The following IPO11 variants were observed in gnomAD, a reference collection of about 807,000 sequenced individuals.
IPO11 encodes the protein importin 11, also known as importin-11.
IPO11 carries 66 observed loss-of-function variants against 143.2 expected under a neutral mutation model. The observed-to-expected ratio is 0.46, with a 90% CI of 0.38 to 0.57. IPO11 has a LOEUF of 0.57. Among genes scored for constraint, IPO11 ranks in the 20% least tolerant of loss-of-function variants. The pLI is 0.00. For missense variants in IPO11, 1,026 were observed against 1,141.0 expected, an observed-to-expected ratio of 0.90 and a Z score of 1.45; for synonymous variants, 385 against 377.8, an observed-to-expected ratio of 1.02 and a Z score of -0.22.
chr5:62,442,444 G>T (rs1216135317), intron 2 of IPO11, among the ~76,000 whole-genome samples: 1 of 152,132 alleles, frequency 6.6e-6, no homozygotes, highest in Non-Finnish European at 1.5e-5. Flanking sequence ...GTGTTACTCA[G>T]CTTTGAACAG....
chr5:62,473,498 T>C (rs1018853575), intron 7 of IPO11, among the ~76,000 whole-genome samples: 1 of 152,180 alleles, frequency 6.6e-6, no homozygotes, highest in Non-Finnish European at 1.5e-5. Context: ...ACACTAAGTC[T>C]TCAGATAATG....
At position 62,606,068 on chromosome 5, in the gene IPO11, G is replaced by A. The variant is rs977765784; in HGVS notation, c.2763+4220G>A. Among the ~76,000 whole-genome samples the A allele has an allele frequency of 2.6e-5, 4 of 151,950 alleles. No individual in the cohort carries two copies. In the East Asian group the frequency reaches 7.7e-4, roughly 29 times the overall value. On this transcript the variant is annotated intron_variant, in intron 29 of 29. Coordinates refer to ENST00000325324, the MANE Select transcript of IPO11 (RefSeq NM_016338.5). ...TTATTACTTGGTTTTTTTTAAATGG[G>A]CAAATGAAAACTGTATGTATCTGTG... is the stretch of plus-strand genomic sequence containing the variant.
chr5:62,580,777 A>G (rs1347084749), intron 27 of IPO11: 1 of 1,551,452 alleles, frequency 6.4e-7, no homozygotes, highest in Non-Finnish European at 8.7e-7. Flanking sequence ...TCTGGAAAAT[A>G]CTGAGACTGA....
At chr5:62,603,637 G>T (rs753823480) in intron 29 of IPO11, among the ~76,000 whole-genome samples, 6 of 152,280 alleles carry the variant, frequency 3.9e-5, no homozygotes, top group African/African-American at 1.2e-4. Context: ...ATTTAAACAC[G>T]CCAGTTCACC....
rs377662122 is a variant in IPO11, at chr5:62,433,333, AG to A, written c.-6-3939del. On this transcript the variant is annotated intron_variant, in intron 1 of 29. Transcript: ENST00000325324. ...CAGGTCTGATAAATCTGTTAGTAGC[AG>A]GTAAAGATGCTGAGTTTTCTTTTGT... 4.3e-3 allele frequency among the ~76,000 whole-genome samples: 654 copies of A among 152,276 alleles called. 1 individual carries two copies. The highest frequency in any genetic ancestry group is 7.8e-3 in the Non-Finnish European group (531 of 68,020).
At chr5:62,607,030 G>GTAC (rs1164637686) in intron 29 of IPO11, among the ~76,000 whole-genome samples, 3 of 152,152 alleles carry the variant, frequency 2.0e-5, no homozygotes, top group Non-Finnish European at 4.4e-5. Context: ...GCCAAATACT[G>GTAC]TACTGGCTCA....
chr5:62,536,552 T>C, intron 22 of IPO11, 150 bp from the exon 23 acceptor site: 1 of 845,136 alleles, frequency 1.2e-6, no homozygotes, highest in Non-Finnish European at 1.7e-6. Context: ...AGTTTTTAGA[T>C]ATCTGTAGAT....
intron 27 of IPO11, among the ~76,000 whole-genome samples, chr5:62,573,466 A>G (rs1399888914): frequency 6.6e-6 from 1 of 152,172 alleles, no homozygotes; most frequent in Non-Finnish European, 1.5e-5. Flanking sequence ...TAGATTTTAT[A>G]TAGGGAATTT....
chr5:62,598,565 T>TCTGAG (rs770605911), intron 28 of IPO11, among the ~76,000 whole-genome samples: 1 of 40,950 alleles, frequency 2.4e-5, no homozygotes, highest in Non-Finnish European at 4.4e-5. Context: ...TTTTTTTTTT[T>TCTGAG]ATGGAGTCTT....
intron 26 of IPO11, among the ~76,000 whole-genome samples, chr5:62,555,448 G>A (rs1274262260): frequency 6.6e-6 from 1 of 151,562 alleles, no homozygotes; most frequent in Non-Finnish European, 1.5e-5. Flanking sequence ...AAGTAGCTGT[G>A]ACTACAGATG....
At chr5:62,471,404 TATACATCATCATAATGTGA>T (rs1561324415) in intron 7 of IPO11, among the ~76,000 whole-genome samples, 1 of 152,182 alleles carries the variant, frequency 6.6e-6, no homozygotes, top group Non-Finnish European at 1.5e-5. Context: ...AAACCCATAA[TATACATCATCATAATGTGA>T]TGGTTATTTC....
intron 24 of IPO11, among the ~76,000 whole-genome samples, chr5:62,540,022 T>C (rs1003717168): frequency 6.6e-6 from 1 of 152,258 alleles, no homozygotes; most frequent in African/African-American, 2.4e-5. Context: ...TCTGTATGTA[T>C]GCCTGTTTTA....
rs931488884 is a variant in IPO11, at chr5:62,567,335, C to T, written c.2582+6078C>T. Among the ~76,000 whole-genome samples, 6 of 151,672 alleles carry T rather than the reference C, an allele frequency of 4.0e-5. No individual in the cohort carries two copies. In the South Asian group the frequency reaches 6.2e-4, roughly 16 times the overall value. On this transcript the variant is annotated intron_variant, in intron 27 of 29. Coordinates refer to ENST00000325324, the MANE Select transcript of IPO11 (RefSeq NM_016338.5). The stretch of plus-strand genomic sequence containing the variant: ...CTGGTTTTATTGCTGCTTTTAGGAT[C>T]GACTCTTTGTGATCATTGAGAATTA...
At chr5:62,541,877 T>C (rs936506197) in intron 24 of IPO11, among the ~76,000 whole-genome samples, 1 of 152,132 alleles carries the variant, frequency 6.6e-6, no homozygotes, top group Non-Finnish European at 1.5e-5. Flanking sequence ...TCTCTGTAAG[T>C]ATGCCAACAG....
chr5:62,595,217 A>C (rs930553925), intron 28 of IPO11, among the ~76,000 whole-genome samples: 1 of 152,196 alleles, frequency 6.6e-6, no homozygotes, highest in African/African-American at 2.4e-5. Flanking sequence ...ATGAGAACCT[A>C]CTGCTGTGGA....
intron 1 of IPO11, among the ~76,000 whole-genome samples, chr5:62,426,144 T>C (rs1447038905): frequency 1.3e-5 from 2 of 152,194 alleles, no homozygotes; most frequent in African/African-American, 2.4e-5. Flanking sequence ...CCCAGCACTT[T>C]GGGAGGCCAA....
intron 1 of IPO11, among the ~76,000 whole-genome samples, chr5:62,414,719 G>C (rs561004701): frequency 2.6e-5 from 4 of 152,318 alleles, no homozygotes; most frequent in South Asian, 2.1e-4. Flanking sequence ...CAGAGCTGCT[G>C]AATCAAAATC....
At chr5:62,510,429 G>A (rs546692705) in intron 19 of IPO11, among the ~76,000 whole-genome samples, 73 of 152,166 alleles carry the variant, frequency 4.8e-4, no homozygotes, top group African/African-American at 1.7e-3. Flanking sequence ...GATTGTTATT[G>A]TAAAACTATT....
At chr5:62,523,168 C>G (rs948875787) in intron 20 of IPO11, among the ~76,000 whole-genome samples, 3 of 152,184 alleles carry the variant, frequency 2.0e-5, no homozygotes, top group African/African-American at 4.8e-5. Context: ...TTACTTTTAT[C>G]TCTTCTTATT....
Sources: allele counts gnomAD v4.1 joint callset (sites outside exome capture counted in the v4.1 genomes callset), GRCh38; gene constraint gnomAD v4.1.1; transcripts MANE v1.5; gene names NCBI Gene and HGNC (gene_info 2026-07-23, HGNC 2026-07-21).